Variants in CNTNAP2 observed in about 807,000 individuals in gnomAD.
CNTNAP2 encodes contactin associated protein 2.
Under a neutral mutation model 155.2 loss-of-function variants are expected in CNTNAP2, and 98 were observed. The observed-to-expected ratio is 0.63, with a 90% confidence interval of 0.54 to 0.75. The LOEUF is 0.75. Among genes scored for constraint, CNTNAP2 ranks in the 30% least tolerant of loss-of-function variants. The pLI is 0.00. For missense variants in CNTNAP2, 1,727 were observed against 1,688.1 expected (o/e 1.02, Z -0.40); for synonymous variants, 651 against 631.2 (o/e 1.03, Z -0.47).
chr7:146,637,779 G>A (rs567821674), intron 1 of CNTNAP2, among the ~76,000 whole-genome samples: 1 of 152,222 alleles, frequency 6.6e-6, no homozygotes, highest in South Asian at 2.1e-4. Context: ...GTTTAGAAAG[G>A]CTATTGGATT....
chr7:148,070,387 C>G (rs1005416687), intron 15 of CNTNAP2, among the ~76,000 whole-genome samples: 3 of 152,150 alleles, frequency 2.0e-5, no homozygotes, highest in Non-Finnish European at 2.9e-5. Context: ...TTTAATTAAA[C>G]CTTTGATTAT....
intron 1 of CNTNAP2, among the ~76,000 whole-genome samples, chr7:146,252,795 A>G (rs1799775992): frequency 6.6e-6 from 1 of 152,212 alleles, no homozygotes; most frequent in African/African-American, 2.4e-5. Context: ...CAAAGTGTCA[A>G]CGGGATAGAC....
In CNTNAP2 at chr7:148,100,484, G is replaced by A. The variant is rs539972638; in HGVS notation, c.2384-17634G>A. On this transcript the variant is annotated intron_variant, in intron 15 of 23. Transcript: ENST00000361727. ...GTATATACACATATCTTTGTATCAG[G>A]CACATAAACAATGCACACATACTTA... 3.3e-5 allele frequency among the ~76,000 whole-genome samples: 5 copies of A among 152,164 alleles called. No homozygotes were observed. In the East Asian group the frequency reaches 7.7e-4, roughly 24 times the overall value.
In CNTNAP2 at chr7:146,645,229, G is replaced by A. The variant is rs1223584188; in HGVS notation, c.98-129042G>A. Among the ~76,000 whole-genome samples, 4 of 152,268 alleles carry A rather than the reference G, an allele frequency of 2.6e-5. No homozygotes were observed. The East Asian group carries it at 7.7e-4, about 29-fold the overall frequency. On this transcript the variant is annotated intron_variant, in intron 1 of 23. Transcript: ENST00000361727. ...ACAATTCCCTGAATGAATAATGAAT[G>A]AATGTGTGTATCACAAGAAAAAAAT...
chr7:147,735,257 T>C (rs773440933), intron 13 of CNTNAP2, among the ~76,000 whole-genome samples: 1 of 152,204 alleles, frequency 6.6e-6, no homozygotes, highest in Non-Finnish European at 1.5e-5. Flanking sequence ...ACATCTTTAT[T>C]TCTGTCTTCA....
chr7:146,593,325 T>C (rs1798811621), intron 1 of CNTNAP2, among the ~76,000 whole-genome samples: 1 of 152,022 alleles, frequency 6.6e-6, no homozygotes, highest in African/African-American at 2.4e-5. Context: ...CTTGCATATA[T>C]GGTTCATGTT....
At chr7:147,152,952 G>C (rs944822800) in intron 8 of CNTNAP2, among the ~76,000 whole-genome samples, 1 of 152,192 alleles carries the variant, frequency 6.6e-6, no homozygotes, top group East Asian at 1.9e-4. Flanking sequence ...ATTGGTTCAT[G>C]CTGGCTTTAC....
chr7:146,416,562 A>T (rs1057310244), intron 1 of CNTNAP2, among the ~76,000 whole-genome samples: 3 of 152,046 alleles, frequency 2.0e-5, no homozygotes, highest in Admixed American at 2.0e-4. Flanking sequence ...GCACATGCAC[A>T]TTTTATTTCT....
At chr7:147,213,248 A>G (rs1404961251) in intron 8 of CNTNAP2, among the ~76,000 whole-genome samples, 2 of 152,126 alleles carry the variant, frequency 1.3e-5, no homozygotes, top group African/African-American at 2.4e-5. Flanking sequence ...AAGCAAATTC[A>G]CCCTCTCTTC....
chr7:146,464,681 C>T (rs547750504), intron 1 of CNTNAP2, among the ~76,000 whole-genome samples: 12 of 152,126 alleles, frequency 7.9e-5, no homozygotes, highest in African/African-American at 2.9e-4. Flanking sequence ...ACACGTTATT[C>T]TGAAGTGATC....
chr7:148,372,634 G>C (rs1467596695), intron 21 of CNTNAP2, among the ~76,000 whole-genome samples: 1 of 152,138 alleles, frequency 6.6e-6, no homozygotes, highest in African/African-American at 2.4e-5. Flanking sequence ...CTTGAACCCA[G>C]GAGGCAGAGG....
At chr7:146,774,125 G>A (rs1399423016) in intron 1 of CNTNAP2, 146 bp from the exon 2 acceptor site, 14 of 667,976 alleles carry the variant, frequency 2.1e-5, no homozygotes, top group Non-Finnish European at 3.8e-5. Context: ...TAGGATAACA[G>A]AATTGCCTAA....
intron 1 of CNTNAP2, among the ~76,000 whole-genome samples, chr7:146,742,537 T>C (rs1801737314): frequency 1.3e-5 from 2 of 152,138 alleles, no homozygotes; most frequent in Non-Finnish European, 2.9e-5. Context: ...GTCAACTCTT[T>C]TGAGAGATTA....
At chr7:146,390,470 T>C (rs1795524118) in intron 1 of CNTNAP2, among the ~76,000 whole-genome samples, 1 of 151,772 alleles carries the variant, frequency 6.6e-6, no homozygotes, top group African/African-American at 2.4e-5. Context: ...CAAGTTCAGA[T>C]TGTGGCCAAT....
chr7:146,597,349 A>G (rs1196368443), intron 1 of CNTNAP2, among the ~76,000 whole-genome samples: 1 of 151,988 alleles, frequency 6.6e-6, no homozygotes, highest in Non-Finnish European at 1.5e-5. Flanking sequence ...ACAGAGAATA[A>G]TCTCATTGTT....
chr7:148,123,977 T>C (rs1804660185), intron 16 of CNTNAP2, among the ~76,000 whole-genome samples: 1 of 152,202 alleles, frequency 6.6e-6, no homozygotes, highest in Non-Finnish European at 1.5e-5. Context: ...TGAGTGGAAG[T>C]GGATTTGGAG....
chr7:147,448,818 C>G (rs893090251), intron 10 of CNTNAP2, among the ~76,000 whole-genome samples: 1 of 151,956 alleles, frequency 6.6e-6, no homozygotes, highest in African/African-American at 2.4e-5. Context: ...GGGTTTAGCT[C>G]TCTGTCTACA....
rs149305765 is a variant in CNTNAP2 at position 146,713,818 on chromosome 7, G to A, written c.98-60453G>A. Among the ~76,000 whole-genome samples, 713 of 152,116 alleles carry A rather than the reference G, an allele frequency of 4.7e-3. 6 individuals carry two copies. Among genetic ancestry groups the A allele is most frequent in the African/African-American group, 0.016 (668 of 41,494 alleles). ...TTCCTGACTCTTTTAGCCACTTGTCGTATGGCATGAGCAGGTGTCTTAACT... is the reference window on the plus strand; with the variant it reads ...TTCCTGACTCTTTTAGCCACTTGTCATATGGCATGAGCAGGTGTCTTAACT... On this transcript the variant is annotated intron_variant, in intron 1 of 23. Coordinates refer to ENST00000361727, the MANE Select transcript of CNTNAP2 (RefSeq NM_014141.6).
At chr7:146,503,033 C>T (rs1283898272) in intron 1 of CNTNAP2, among the ~76,000 whole-genome samples, 2 of 152,132 alleles carry the variant, frequency 1.3e-5, no homozygotes, top group Admixed American at 6.5e-5. Flanking sequence ...ATCTTTTGCT[C>T]ATTTTAAAAT....
Sources: gnomAD v4.1 joint callset for allele counts (sites outside exome capture counted in the v4.1 genomes callset) on GRCh38, gnomAD v4.1.1 for gene constraint, MANE v1.5 for transcripts, NCBI Gene and HGNC (gene_info 2026-07-23, HGNC 2026-07-21) for gene names.